LRFN5: variants seen among roughly 807,000 people sequenced by gnomAD.
LRFN5 encodes the protein leucine-rich repeat and fibronectin type-III domain-containing protein 5.
In LRFN5, 24 loss-of-function variants were observed where a neutral mutation model predicts 45.6. The observed-to-expected ratio is 0.53, with a 90% CI of 0.38 to 0.74. The LOEUF (loss-of-function observed/expected upper bound fraction) is 0.74, where lower values mean the gene tolerates loss of function less well. Ranked by LOEUF, LRFN5 falls within the 30% of genes least tolerant of loss-of-function variation. The probability of loss-of-function intolerance (pLI) is 0.00; values close to 1 mark genes in which losing one functional copy is unlikely to be tolerated. For synonymous variants in LRFN5, 340 were observed against 313.8 expected (o/e 1.08, Z -0.88); for missense variants, 776 against 861.5 (o/e 0.90, Z 1.24).
chr14:41,703,204 T>A (rs1882910178), intron 1 of LRFN5, among the ~76,000 whole-genome samples: 1 of 152,206 alleles, frequency 6.6e-6, no homozygotes, highest in South Asian at 2.1e-4. Flanking sequence ...CTTCAGTTAA[T>A]TTCTTCCAGC....
intron 2 of LRFN5, among the ~76,000 whole-genome samples, chr14:41,782,446 T>C (rs1201736054): frequency 1.3e-5 from 2 of 152,176 alleles, no homozygotes; most frequent in East Asian, 3.9e-4. Flanking sequence ...TGATGTCTTT[T>C]TTAGAGCCCT....
intron 1 of LRFN5, among the ~76,000 whole-genome samples, chr14:41,734,399 A>C (rs529142885): frequency 9.7e-5 from 8 of 82,430 alleles, no homozygotes; most frequent in Non-Finnish European, 1.6e-4. Flanking sequence ...TTATAATGAC[A>C]TAATGACATC....
At chr14:41,852,509 A>T (rs1889306847) in intron 2 of LRFN5, among the ~76,000 whole-genome samples, 1 of 151,974 alleles carries the variant, frequency 6.6e-6, no homozygotes, top group African/African-American at 2.4e-5. Flanking sequence ...AAAGCTAATT[A>T]TGAAAGACAT....
At chr14:41,630,867 C>T (rs2138578365) in intron 1 of LRFN5, among the ~76,000 whole-genome samples, 1 of 151,944 alleles carries the variant, frequency 6.6e-6, no homozygotes, top group South Asian at 2.1e-4. Context: ...AAAGGTATTT[C>T]CTTTTAATTA....
intron 2 of LRFN5, among the ~76,000 whole-genome samples, chr14:41,858,139 A>G (rs576404995): frequency 6.6e-6 from 1 of 152,322 alleles, no homozygotes; most frequent in East Asian, 1.9e-4. Flanking sequence ...TAGGAAGAAC[A>G]AACTGGAGGA....
At chr14:41,831,729 T>C (rs1241608271) in intron 2 of LRFN5, among the ~76,000 whole-genome samples, 1 of 152,178 alleles carries the variant, frequency 6.6e-6, no homozygotes, top group Non-Finnish European at 1.5e-5. Context: ...TGGCTCAAGG[T>C]AGTATTTGCC....
At chr14:41,668,026 G>C (rs981696086) in intron 1 of LRFN5, among the ~76,000 whole-genome samples, 2 of 152,086 alleles carry the variant, frequency 1.3e-5, no homozygotes, top group Admixed American at 6.6e-5. Context: ...TGGGAAGGTC[G>C]AACCTTGTGC....
chr14:41,844,213 G>A (rs147247927), intron 2 of LRFN5, among the ~76,000 whole-genome samples: 4,185 of 152,160 alleles, frequency 0.028, 199 homozygotes, highest in African/African-American at 0.095. Flanking sequence ...CAAGGTGGGC[G>A]GATCACGAGG....
chr14:41,676,381 C>T (rs1594607281), intron 1 of LRFN5, among the ~76,000 whole-genome samples: 2 of 152,346 alleles, frequency 1.3e-5, no homozygotes, highest in South Asian at 4.1e-4. Flanking sequence ...ACCTTAAGCT[C>T]AGAAGCCACT....
At chr14:41,637,629 T>A (rs1195010931) in intron 1 of LRFN5, among the ~76,000 whole-genome samples, 1 of 152,146 alleles carries the variant, frequency 6.6e-6, no homozygotes, top group Non-Finnish European at 1.5e-5. Flanking sequence ...ATTGGGTGGA[T>A]CCGTGTTATT....
intron 4 of LRFN5, among the ~76,000 whole-genome samples, chr14:41,898,441 G>A (rs1381949073): frequency 6.6e-6 from 1 of 152,026 alleles, no homozygotes; most frequent in Non-Finnish European, 1.5e-5. Context: ...GGTATTGAAT[G>A]ATGGTTAATA....
At chr14:41,614,905 T>G (rs990830748) in intron 1 of LRFN5, among the ~76,000 whole-genome samples, 1 of 151,926 alleles carries the variant, frequency 6.6e-6, no homozygotes, top group African/African-American at 2.4e-5. Context: ...GAGGTAATAA[T>G]CGTATGGCTT....
chr14:41,780,102 T>A (rs971455372), intron 2 of LRFN5, among the ~76,000 whole-genome samples: 5 of 151,918 alleles, frequency 3.3e-5, no homozygotes, highest in African/African-American at 1.2e-4. Flanking sequence ...TAGGCAGTGC[T>A]TTCACTGGTT....
chr14:41,615,428 A>G (rs909992604), intron 1 of LRFN5, among the ~76,000 whole-genome samples: 11 of 152,146 alleles, frequency 7.2e-5, no homozygotes, highest in African/African-American at 2.7e-4. Context: ...TTATGACTAA[A>G]CATATCTTGG....
chr14:41,610,271 G>C (rs1887694971), intron 1 of LRFN5: 1 of 152,142 alleles, frequency 6.6e-6, no homozygotes, highest in Non-Finnish European at 1.5e-5. Context: ...CTCCCTCCCC[G>C]CGACAATGAA....
chr14:41,719,722 T>G (rs1399578004), intron 1 of LRFN5, among the ~76,000 whole-genome samples: 1 of 151,388 alleles, frequency 6.6e-6, no homozygotes, highest in Non-Finnish European at 1.5e-5. Context: ...GAGATGTGTG[T>G]GTATATATAT....
At chr14:41,895,461 T>C (rs1890907113) in intron 4 of LRFN5, among the ~76,000 whole-genome samples, 1 of 151,736 alleles carries the variant, frequency 6.6e-6, no homozygotes. Flanking sequence ...CTGTCACTAG[T>C]AAAAACACAA....
intron 2 of LRFN5, among the ~76,000 whole-genome samples, chr14:41,779,663 T>C (rs1275402606): frequency 2.6e-5 from 4 of 151,958 alleles, no homozygotes; most frequent in African/African-American, 9.7e-5. Flanking sequence ...GATAAAGAGA[T>C]ATTCAGATTA....
intron 2 of LRFN5, among the ~76,000 whole-genome samples, chr14:41,825,285 G>A (rs1004295728): frequency 6.6e-6 from 1 of 152,170 alleles, no homozygotes; most frequent in Non-Finnish European, 1.5e-5. Context: ...CTAGAGGGTT[G>A]GGAGGGGGAG....
Sources: allele counts gnomAD v4.1 joint callset (sites outside exome capture counted in the v4.1 genomes callset), GRCh38; gene constraint gnomAD v4.1.1; transcripts MANE v1.5; gene names NCBI Gene and HGNC (gene_info 2026-07-23, HGNC 2026-07-21).